ANK2: variants seen among roughly 807,000 people sequenced by gnomAD.
ANK2 encodes ankyrin-2.
Under a neutral mutation model 360.5 loss-of-function variants are expected in ANK2, and 83 were observed. That is an observed-to-expected ratio of 0.23 (90% CI 0.19 to 0.28). The LOEUF (loss-of-function observed/expected upper bound fraction) is 0.28. ANK2 is among the 10% of genes least tolerant of loss of function. The pLI is 1.00. For synonymous variants in ANK2, 1,740 were observed against 1,759.5 expected, an observed-to-expected ratio of 0.99 and a Z score of 0.28; for missense variants, 4,201 against 4,795.7, an observed-to-expected ratio of 0.88 and a Z score of 3.66.
chr4:112,997,871 A>G (rs1029019559), intron 2 of ANK2, among the ~76,000 whole-genome samples: 1 of 151,616 alleles, frequency 6.6e-6, no homozygotes, highest in African/African-American at 2.4e-5. Flanking sequence ...ATATATACAC[A>G]CACACACATA....
chr4:112,998,721 T>C (rs1341643411), intron 2 of ANK2, among the ~76,000 whole-genome samples: 1 of 152,228 alleles, frequency 6.6e-6, no homozygotes, highest in East Asian at 1.9e-4. Context: ...TGCTGTGGGA[T>C]TTCTGAGAAC....
Position 112,959,859 on chromosome 4 carries a change from T to G in ANK2, c.21+55345T>G, listed in dbSNP as rs1190470430. Among the ~76,000 whole-genome samples, 3 of 152,116 alleles carry G rather than the reference T, an allele frequency of 2.0e-5. No homozygotes were observed. In the East Asian group the frequency reaches 5.8e-4, roughly 29 times the overall value. ...GAGGAGTATTTTTTTGTCAGCCAAA[T>G]TTGAGAAACTCCCTTCTTGAAATCT... On this transcript the variant is annotated intron_variant, in intron 2 of 30. Transcript: ENST00000503271.
the ANK2 span, among the ~76,000 whole-genome samples, chr4:112,743,443 T>G: frequency 6.6e-6 from 1 of 152,150 alleles, no homozygotes; most frequent in South Asian, 2.1e-4. Flanking sequence ...AACTAACACA[T>G]GTAATTAGGT....
At chr4:113,326,945 G>A (rs116064397) in intron 26 of ANK2, among the ~76,000 whole-genome samples, 87 of 152,162 alleles carry the variant, frequency 5.7e-4, no homozygotes, top group Non-Finnish European at 9.6e-4. Context: ...TCAAGGTTAC[G>A]GTGTGCTATG....
At chr4:113,340,877 A>C (rs960645899) in intron 32 of ANK2, among the ~76,000 whole-genome samples, 46 of 152,104 alleles carry the variant, frequency 3.0e-4, no homozygotes, top group African/African-American at 1.1e-3. Flanking sequence ...AACAAACAAA[A>C]AAAACAAACC....
chr4:112,834,707 C>T (rs2060622515), intron 1 of ANK2, among the ~76,000 whole-genome samples: 1 of 152,092 alleles, frequency 6.6e-6, no homozygotes. Context: ...TTTCCAATTG[C>T]TCTGATTTTC....
intron 4 of ANK2, among the ~76,000 whole-genome samples, chr4:113,218,403 A>G (rs1479952586): frequency 6.6e-6 from 1 of 151,564 alleles, no homozygotes; most frequent in Non-Finnish European, 1.5e-5. Context: ...TAATTTTTGA[A>G]TTGCCCTGCA....
At chr4:112,895,927 C>T (rs939012106) in intron 1 of ANK2, among the ~76,000 whole-genome samples, 5 of 152,202 alleles carry the variant, frequency 3.3e-5, no homozygotes, top group Non-Finnish European at 7.3e-5. Context: ...TGTGATTCAG[C>T]GTTGCTGCAT....
intron 2 of ANK2, among the ~76,000 whole-genome samples, chr4:112,982,488 T>C (rs1305938573): frequency 6.6e-6 from 1 of 152,208 alleles, no homozygotes; most frequent in Non-Finnish European, 1.5e-5. Context: ...TAAAAACACA[T>C]AGTTATTGCT....
intron 1 of ANK2, chr4:113,160,309 T>G (rs2097479517): frequency 2.4e-6 from 1 of 414,642 alleles, no homozygotes; most frequent in Non-Finnish European, 4.8e-6. Context: ...CAAGTGATCC[T>G]CTTGCTTCAG....
At chr4:113,335,465 G>A (rs2093395703) in intron 29 of ANK2, among the ~76,000 whole-genome samples, 2 of 152,150 alleles carry the variant, frequency 1.3e-5, no homozygotes, top group African/African-American at 4.8e-5. Context: ...AAGGAGCCCA[G>A]AAACAACTTC....
intron 2 of ANK2, among the ~76,000 whole-genome samples, chr4:112,988,547 A>G (rs1383833044): frequency 1.3e-5 from 2 of 152,254 alleles, no homozygotes; most frequent in African/African-American, 4.8e-5. Context: ...GAGAGGAAAC[A>G]GTTTGCTACA....
At chr4:113,351,792 T>C (rs372781043) in intron 37 of ANK2, among the ~76,000 whole-genome samples, 1 of 152,226 alleles carries the variant, frequency 6.6e-6, no homozygotes, top group African/African-American at 2.4e-5. Flanking sequence ...CTAGGTGTTT[T>C]GAGTGTTTCA....
At chr4:112,740,447 G>A in the ANK2 span, among the ~76,000 whole-genome samples, 1 of 152,174 alleles carries the variant, frequency 6.6e-6, no homozygotes, top group South Asian at 2.1e-4. Flanking sequence ...GCTCACACCT[G>A]TAATCTCAGC....
intron 1 of ANK2, among the ~76,000 whole-genome samples, chr4:112,874,080 CT>C (rs544871774): frequency 0.042 from 5,108 of 122,026 alleles, 82 homozygotes; most frequent in African/African-American, 0.086. Context: ...TTGGGGTTCT[CT>C]TTTTTTTTTT....
chr4:113,163,975 A>G (rs980199693), intron 1 of ANK2, among the ~76,000 whole-genome samples: 9 of 151,424 alleles, frequency 5.9e-5, no homozygotes, highest in African/African-American at 2.2e-4. Flanking sequence ...CCATTTCTCT[A>G]CCCCCTCCCC....
intron 40 of ANK2, 108 bp from the exon 41 acceptor site, chr4:113,364,931 A>G: frequency 7.3e-7 from 1 of 1,373,364 alleles, no homozygotes; most frequent in East Asian, 2.3e-5. Context: ...TTAGGCTTTG[A>G]TTGTTTTTTT....
chr4:113,292,082 A>C (rs1211577860), intron 20 of ANK2, among the ~76,000 whole-genome samples: 1 of 152,190 alleles, frequency 6.6e-6, no homozygotes, highest in Non-Finnish European at 1.5e-5. Context: ...CTCTCTTCTC[A>C]GCTCAGATGT....
intron 2 of ANK2, among the ~76,000 whole-genome samples, chr4:113,193,659 C>T (rs374854973): frequency 3.3e-5 from 5 of 152,196 alleles, no homozygotes; most frequent in South Asian, 2.1e-4. Flanking sequence ...ATTTATGGCA[C>T]GTATTTCATC....
Sources: allele counts gnomAD v4.1 joint callset (sites outside exome capture counted in the v4.1 genomes callset), GRCh38; gene constraint gnomAD v4.1.1; transcripts MANE v1.5; gene names NCBI Gene and HGNC (gene_info 2026-07-23, HGNC 2026-07-21).